Variants in PKD1L3 observed in about 807,000 individuals in gnomAD.
The protein encoded by PKD1L3 is polycystin 1 like 3, transient receptor potential channel interacting.
A neutral mutation model predicts 184.1 loss-of-function variants in PKD1L3; 239 were observed. That is an observed-to-expected ratio of 1.30 (90% CI 1.17 to 1.45). The LOEUF is 1.45. PKD1L3 is among the 40% of genes most tolerant of loss of function. PKD1L3 has a pLI of 0.00. For missense variants in PKD1L3, 2,660 were observed against 2,067.2 expected, an observed-to-expected ratio of 1.29 and a Z score of -5.56; for synonymous variants, 996 against 778.8, an observed-to-expected ratio of 1.28 and a Z score of -4.64.
rs1482589921 is a variant in PKD1L3, at chr16:71,980,066, G to A, written c.1212C>T (p.Asn404=). 1 of 1,551,872 alleles carries A rather than the reference G, an allele frequency of 6.4e-7. No homozygotes were observed. The stretch of plus-strand genomic sequence containing the variant: ...AAGTCACTGAAGACTCGGGAGACTG[G>A]TTCTGCTCTAGAAATGCTTCCCCGA... The part of the protein sequence containing the change: ...GNIGEAFLEQ[N]QSPESSVTLT... Residue 404 remains asparagine, a synonymous_variant, in exon 8 of 30, where the codon AAC becomes AAT. Transcript: ENST00000620267.
chr16:71,973,488 C>G lies in PKD1L3; in HGVS notation c.1789G>C (p.Glu597Gln), dbSNP rs544128587. 6 of 1,551,844 alleles carry G rather than the reference C, an allele frequency of 3.9e-6. No individual in the cohort carries two copies. The highest frequency in any genetic ancestry group is 1.7e-4 in the Middle Eastern group (1 of 5,996). Residue 597 changes from glutamate to glutamine, a missense_variant, in exon 12 of 30, where the codon GAG becomes CAG. Transcript: ENST00000620267. ...GTGCCAATCCCGTGCTGCAGATGCT[C>G]TGGATTCAGCACCCACGTGTACTCC... ...DEEYTWVLNP[E>Q]HLQHGIGTYY...
chr16:71,967,355 A>G, intron 14 of PKD1L3, 40 bp from the exon 15 acceptor site: 1 of 1,515,912 alleles, frequency 6.6e-7, no homozygotes, highest in Non-Finnish European at 8.9e-7. Flanking sequence ...AAGGAATTTT[A>G]ACACAATTCT....
At chr16:71,989,433 G>A (rs987279061) in intron 4 of PKD1L3, among the ~76,000 whole-genome samples, 6 of 152,232 alleles carry the variant, frequency 3.9e-5, no homozygotes, top group Admixed American at 6.5e-5. Flanking sequence ...GATTACGGGC[G>A]TGAGCCACCG....
chr16:71,986,914 ATTTTTTTTTTTTTTTTTTTTTTTT>A (rs71153694), intron 4 of PKD1L3, among the ~76,000 whole-genome samples: 2 of 81,366 alleles, frequency 2.5e-5, no homozygotes, highest in African/African-American at 1.1e-4. Context: ...TAAGGAGAGG[ATTTTTTTTTTTTTTTTTTTTTTTT>A]TTTTGAGACA....
chr16:71,947,434 G>A, intron 22 of PKD1L3, 58 bp downstream of exon 22: 3 of 1,101,366 alleles, frequency 2.7e-6, no homozygotes, highest in South Asian at 2.7e-5. Context: ...TCAGCAAGGT[G>A]GCCAGATCTA....
rs746841415 is a variant in PKD1L3 at position 71,951,592 on chromosome 16, A to G, written c.3162T>C (p.His1054=). 6.4e-7 allele frequency: 1 copy of G among 1,551,306 alleles called. No individual in the cohort carries two copies. Among genetic ancestry groups the G allele is most frequent in the African/African-American group, 1.4e-5 (1 of 73,018 alleles). ...VSSHLEGQGC[H]QQGERHWARV... is the part of the protein sequence containing the mutation. ...GTGCCCAGTGGCGCTCTCCCTGCTGATGACAGCCTTGACCCTCCAAGTGAG... is the reference window on the plus strand; with the variant it reads ...GTGCCCAGTGGCGCTCTCCCTGCTGGTGACAGCCTTGACCCTCCAAGTGAG... The change falls in exon 19 of 30, where the codon CAT becomes CAC. Residue 1054 remains histidine, a synonymous_variant. Transcript: ENST00000620267.
At position 71,934,040 on chromosome 16, in the gene PKD1L3, A is replaced by G; in HGVS notation, c.4699T>C (p.Leu1567=). 1 of 1,551,844 alleles carries G rather than the reference A, an allele frequency of 6.4e-7. No homozygotes were observed. Among genetic ancestry groups the G allele is most frequent in the Non-Finnish European group, 8.7e-7 (1 of 1,147,024 alleles). Residue 1567 remains leucine, a synonymous_variant, in exon 27 of 30, where the codon TTA becomes CTA. Coordinates refer to ENST00000620267, the MANE Select transcript of PKD1L3 (RefSeq NM_181536.2). ...GFPVLLATVQ[L]WNLLRHSPRL... ...GGGCTATGACGCAGCAGGTTCCATAACTGAACAGTTGCCAGGAGAACCGGG... is the reference window on the plus strand; with the variant it reads ...GGGCTATGACGCAGCAGGTTCCATAGCTGAACAGTTGCCAGGAGAACCGGG...
At position 71,998,167 on chromosome 16, in the gene PKD1L3, G is replaced by T; in HGVS notation, c.418+105C>A. On this transcript the variant is annotated intron_variant, in intron 2 of 29. Transcript: ENST00000620267. Reference sequence around the variant, plus strand: ...ATCAAAAGCCCTGTATCATCCCATGGTCTAACACTCACAGACTATTTAACC... The same window carrying T: ...ATCAAAAGCCCTGTATCATCCCATGTTCTAACACTCACAGACTATTTAACC... 5 of 1,433,658 alleles carry T rather than the reference G, an allele frequency of 3.5e-6. No homozygotes were observed. The South Asian group carries it at 3.8e-5, about 11-fold the overall frequency. The allele number at this position is 1,433,658 out of a possible 1,614,324, so 88.8% of individuals were successfully genotyped here. A position where few individuals can be genotyped will look rare whatever the true frequency, so the allele number is the denominator to read the frequency against.
chr16:71,930,377 G>C, intron 28 of PKD1L3, 194 bp from the exon 29 acceptor site: 1 of 465,588 alleles, frequency 2.1e-6, no homozygotes, highest in Non-Finnish European at 3.6e-6. Context: ...TCATTTTAAG[G>C]AGGTTAAGAT....
At chr16:71,954,915 G>C (rs544774316) in intron 16 of PKD1L3, among the ~76,000 whole-genome samples, 34 of 152,174 alleles carry the variant, frequency 2.2e-4, no homozygotes, top group Non-Finnish European at 4.6e-4. Context: ...TGATTCACTG[G>C]GTGCAGAAAA....
rs574747229 is a variant in PKD1L3 at position 71,977,134 on chromosome 16, G to A, written c.1759+102C>T. On this transcript the variant is annotated intron_variant, in intron 11 of 29. Coordinates refer to ENST00000620267, the MANE Select transcript of PKD1L3 (RefSeq NM_181536.2). ...AGGCTAAGGCAGGAGGATCCCCTGA[G>A]CCTGACAGTTTGAGGCTGCAGTCAA... 8 of 873,772 alleles carry A rather than the reference G, an allele frequency of 9.2e-6. No homozygotes were observed. In the African/African-American group the frequency reaches 1.2e-4, roughly 13 times the overall value. 54.1% of individuals were successfully genotyped at this position (873,772 alleles called of 1,614,324 possible).
At chr16:71,979,248 A>G (rs1329561036) in intron 9 of PKD1L3, among the ~76,000 whole-genome samples, 1 of 152,306 alleles carries the variant, frequency 6.6e-6, no homozygotes, top group East Asian at 1.9e-4. Context: ...GTTTGAGACC[A>G]GTCTGGCCAA....
At chr16:71,986,665 T>C (rs2040379481) in intron 4 of PKD1L3, among the ~76,000 whole-genome samples, 196 bp from the exon 5 acceptor site, 1 of 152,298 alleles carries the variant, frequency 6.6e-6, no homozygotes, top group South Asian at 2.1e-4. Context: ...TCATGATTTA[T>C]ATTAGTGTAT....
chr16:71,985,918 GAGT>G (rs770197693), intron 5 of PKD1L3, among the ~76,000 whole-genome samples: 136 of 152,308 alleles, frequency 8.9e-4, no homozygotes, highest in Non-Finnish European at 1.5e-3. Flanking sequence ...AGGGGACAGT[GAGT>G]AGGAGGAATT....
At chr16:71,972,486 C>T (rs1468993833) in intron 12 of PKD1L3, among the ~76,000 whole-genome samples, 1 of 152,086 alleles carries the variant, frequency 6.6e-6, no homozygotes, top group Non-Finnish European at 1.5e-5. Context: ...AAGTTCAAGA[C>T]CAGCATAGGC....
chr16:71,969,999 G>A lies in PKD1L3; in HGVS notation c.2060C>T (p.Thr687Met), dbSNP rs375294633. ...VVPRTVNVED[T>M]IKLFLRVTNN... ...GGTCACGCGAAGGAACAGTTTGATC[G>A]TGTCTTCAACATTCACGGTCCTGGG... The change falls in exon 13 of 30, where the codon ACG (threonine) becomes ATG (methionine). Residue 687 changes from threonine to methionine, a missense_variant. By Grantham distance (81) the Thr-to-Met change is moderately conservative (BLOSUM62 -1). Coordinates refer to ENST00000620267, the MANE Select transcript of PKD1L3 (RefSeq NM_181536.2). 38 of 1,551,566 alleles carry A rather than the reference G, an allele frequency of 2.4e-5. No individual in the cohort carries two copies. The highest frequency in any genetic ancestry group is 1.5e-4 in the African/African-American group (11 of 73,024).
chr16:71,998,292 T>G lies in PKD1L3; in HGVS notation c.398A>C (p.Tyr133Ser). 1 of 1,552,244 alleles carries G rather than the reference T, an allele frequency of 6.4e-7. No homozygotes were observed. ...CTTACCAGTCTGGCAAATGAAATAG[T>G]ATTTCAGTAAGCACTTGTCCCCTTT... ...SSKGDKCLLK[Y>S]YFICQTGDFL... The change falls in exon 2 of 30, where the codon TAC becomes TCC. Residue 133 changes from tyrosine to serine, a missense_variant. Transcript: ENST00000620267.
At chr16:71,952,591 T>G (rs1474295168) in intron 18 of PKD1L3, among the ~76,000 whole-genome samples, 2 of 17,488 alleles carry the variant, frequency 1.1e-4, no homozygotes, top group Non-Finnish European at 2.9e-4. Context: ...TCCCAGCACT[T>G]TGGGAGGCCA....
intron 16 of PKD1L3, among the ~76,000 whole-genome samples, chr16:71,954,590 A>C (rs185137822): frequency 6.6e-6 from 1 of 152,322 alleles, no homozygotes; most frequent in Admixed American, 6.5e-5. Flanking sequence ...TTAGCTTTAT[A>C]AGAGTTTTGA....
Sources: allele counts gnomAD v4.1 joint callset (sites outside exome capture counted in the v4.1 genomes callset), GRCh38; gene constraint gnomAD v4.1.1; transcripts MANE v1.5; gene names NCBI Gene and HGNC (gene_info 2026-07-23, HGNC 2026-07-21).